Variants in TMCO1 observed in about 807,000 individuals in gnomAD.
TMCO1 encodes the protein calcium load-activated calcium channel.
In TMCO1, 29 loss-of-function variants were observed where a neutral mutation model predicts 29.3. The observed-to-expected ratio is 0.99, with a 90% confidence interval of 0.74 to 1.35. The LOEUF (loss-of-function observed/expected upper bound fraction) is 1.35, where lower values mean the gene tolerates loss of function less well. Among genes scored for constraint, TMCO1 ranks in the 40% most tolerant of loss-of-function variants. TMCO1 has a pLI of 0.00. For synonymous variants in TMCO1, 80 were observed against 77.1 expected (o/e 1.04, Z -0.20); for missense variants, 173 against 225.5 (o/e 0.77, Z 1.49).
intron 6 of TMCO1, among the ~76,000 whole-genome samples, chr1:165,728,381 C>T (rs149606987): frequency 0.019 from 2,859 of 151,864 alleles, 44 homozygotes; most frequent in Middle Eastern, 0.037. Flanking sequence ...CTCAGCCTCC[C>T]GAGTAGCTGG....
intron 3 of TMCO1, among the ~76,000 whole-genome samples, chr1:165,756,203 C>T (rs1652185048): frequency 1.3e-5 from 2 of 152,118 alleles, no homozygotes. Context: ...TATGAAAATA[C>T]TGAGATAGAA....
chr1:165,756,753 T>G (rs1652205642), intron 3 of TMCO1, among the ~76,000 whole-genome samples: 1 of 151,890 alleles, frequency 6.6e-6, no homozygotes, highest in Non-Finnish European at 1.5e-5. Flanking sequence ...TCCCTCTTAC[T>G]GAAAACTCCC....
chr1:165,737,730 C>A (rs569843005), intron 6 of TMCO1, among the ~76,000 whole-genome samples: 9 of 152,228 alleles, frequency 5.9e-5, no homozygotes, highest in Admixed American at 3.9e-4. Context: ...AAAGCCAAAC[C>A]AGAATTCTAT....
At chr1:165,760,657 C>A (rs1652368619) in intron 2 of TMCO1, among the ~76,000 whole-genome samples, 1 of 151,964 alleles carries the variant, frequency 6.6e-6, no homozygotes, top group Non-Finnish European at 1.5e-5. Flanking sequence ...CAAAATTTAG[C>A]TGGGCATGTG....
chr1:165,731,579 C>T (rs73020519), intron 6 of TMCO1, among the ~76,000 whole-genome samples: 2,004 of 151,966 alleles, frequency 0.013, 52 homozygotes, highest in African/African-American at 0.046. Flanking sequence ...ATAGGTTTAC[C>T]GTGATTTAAA....
intron 6 of TMCO1, 77 bp downstream of exon 6, chr1:165,743,090 G>A (rs1651653346): frequency 6.5e-7 from 1 of 1,529,116 alleles, no homozygotes; most frequent in South Asian, 1.1e-5. Flanking sequence ...AACATTTCTA[G>A]TATTATAAAA....
downstream of TMCO1, chr1:165,726,056 T>C (rs59910266): frequency 5.3e-3 from 3,660 of 691,976 alleles, 98 homozygotes; most frequent in African/African-American, 0.059. Context: ...GTGTGCTATA[T>C]ATTCTCACTT....
chr1:165,761,171 T>TTC (rs1652387563), intron 2 of TMCO1, among the ~76,000 whole-genome samples: 1 of 150,340 alleles, frequency 6.7e-6, no homozygotes, highest in African/African-American at 2.5e-5. Context: ...TTTTGTGTAT[T>TTC]TGTGTGTGTG....
At chr1:165,749,629 C>G (rs1450340361) in intron 5 of TMCO1, among the ~76,000 whole-genome samples, 1 of 152,124 alleles carries the variant, frequency 6.6e-6, no homozygotes, top group Admixed American at 6.6e-5. Flanking sequence ...CACCACTGCA[C>G]TCCGGCCTGG....
chr1:165,751,537 C>G (rs1393211286), intron 5 of TMCO1, among the ~76,000 whole-genome samples: 1 of 151,916 alleles, frequency 6.6e-6, no homozygotes, highest in African/African-American at 2.4e-5. Context: ...AACCCCGTCT[C>G]TACTAAAAAT....
intron 2 of TMCO1, among the ~76,000 whole-genome samples, chr1:165,763,860 C>G (rs1172509570): frequency 6.6e-6 from 1 of 152,210 alleles, no homozygotes; most frequent in Non-Finnish European, 1.5e-5. Context: ...CTCCTGAGCT[C>G]AAACAATCTA....
At chr1:165,725,826 T>C (rs963990972), downstream of TMCO1, 2 of 474,766 alleles carry the variant, frequency 4.2e-6, no homozygotes, top group Non-Finnish European at 8.3e-6. Flanking sequence ...TTTGTTATTG[T>C]GCTTTTAAGA....
rs189757385 is a variant in TMCO1 at position 165,747,451 on chromosome 1, C to T, written c.324-4140G>A. ...TAAAAATTATAAAGGTATTTAATACCTCAAAATTAATGTACAAATTTAATA... is the reference window on the plus strand; with the variant it reads ...TAAAAATTATAAAGGTATTTAATACTTCAAAATTAATGTACAAATTTAATA... On this transcript the variant is annotated intron_variant, in intron 5 of 6. Transcript: ENST00000367881. Among the ~76,000 whole-genome samples, 7 of 152,004 alleles carry T rather than the reference C, an allele frequency of 4.6e-5. No individual in the cohort carries two copies. In the East Asian group the frequency reaches 1.4e-3, roughly 29 times the overall value.
intron 6 of TMCO1, among the ~76,000 whole-genome samples, chr1:165,731,968 G>A (rs372555205): frequency 2.0e-5 from 3 of 152,086 alleles, no homozygotes; most frequent in Admixed American, 6.5e-5. Flanking sequence ...TTATCCTTTC[G>A]TGAAATTCTA....
chr1:165,768,672 C>G lies in TMCO1; in HGVS notation c.70+10G>C, dbSNP rs756695809. 2.5e-6 allele frequency: 4 copies of G among 1,613,940 alleles called. No individual in the cohort carries two copies. The highest frequency in any genetic ancestry group is 1.3e-5 in the African/African-American group (1 of 74,874). On this transcript the variant is annotated intron_variant, in intron 1 of 6. Coordinates refer to ENST00000367881, the MANE Select transcript of TMCO1 (RefSeq NM_019026.6). ...GACTGATCAAACGTCTGAGAAATAC[C>G]CGCTCTCACCCTCTGCGAGCAGAGC...
intron 6 of TMCO1, among the ~76,000 whole-genome samples, chr1:165,731,826 A>C (rs1651170096): frequency 6.6e-6 from 1 of 152,104 alleles, no homozygotes; most frequent in African/African-American, 2.4e-5. Context: ...ACTTTCCTTT[A>C]CTCTATACTT....
At chr1:165,753,977 T>A (rs1218931136) in intron 4 of TMCO1, among the ~76,000 whole-genome samples, 1 of 152,166 alleles carries the variant, frequency 6.6e-6, no homozygotes, top group Non-Finnish European at 1.5e-5. Flanking sequence ...AAGAGGGAAC[T>A]AAGAACTGTG....
chr1:165,742,185 C>T (rs562753329), intron 6 of TMCO1, among the ~76,000 whole-genome samples: 6 of 152,196 alleles, frequency 3.9e-5, no homozygotes, highest in South Asian at 2.1e-4. Flanking sequence ...CAAAGCCTGC[C>T]GAACGGCAAT....
At chr1:165,753,472 CAAAAAAAAAAA>C (rs35980344) in intron 4 of TMCO1, among the ~76,000 whole-genome samples, 8 of 47,756 alleles carry the variant, frequency 1.7e-4, no homozygotes, top group Admixed American at 3.2e-4. Flanking sequence ...GACTCTGTCT[CAAAAAAAAAAA>C]AAAAAAAAAA....
Sources: allele counts gnomAD v4.1 joint callset (sites outside exome capture counted in the v4.1 genomes callset), GRCh38; gene constraint gnomAD v4.1.1; transcripts MANE v1.5; gene names NCBI Gene and HGNC (gene_info 2026-07-23, HGNC 2026-07-21).